Variants in INTS4 observed in about 807,000 individuals in gnomAD.
INTS4 encodes the protein MSTP093.
In INTS4, 70 loss-of-function variants were observed where a neutral mutation model predicts 119.5. That is an observed-to-expected ratio of 0.59 (90% CI 0.48 to 0.71). The LOEUF (loss-of-function observed/expected upper bound fraction) is 0.71, where lower values mean the gene tolerates loss of function less well. Ranked by LOEUF, INTS4 falls within the 30% of genes least tolerant of loss-of-function variation. INTS4 has a pLI of 0.00. For missense variants in INTS4, 867 were observed against 1,173.2 expected (o/e 0.74, Z 3.81); for synonymous variants, 316 against 419.6 (o/e 0.75, Z 3.02).
downstream of INTS4, among the ~76,000 whole-genome samples, chr11:77,877,623 A>G (rs1193393958): frequency 2.0e-5 from 3 of 152,230 alleles, no homozygotes; most frequent in East Asian, 5.8e-4. Context: ...TACAGGCTTT[A>G]TTACTTACTG....
rs1302374703 is a variant in INTS4, at chr11:77,958,951, G to T, written c.709-117C>A. On this transcript the variant is annotated intron_variant, in intron 6 of 22. Coordinates refer to ENST00000534064, the MANE Select transcript of INTS4 (RefSeq NM_033547.4). ...AGGATGCCCAGTAAAACACTTGTGT[G>T]TGGTTTTAACTTCTGGAATCTTTGC... The T allele has an allele frequency of 3.8e-5, 26 of 685,686 alleles. No homozygotes were observed. In the East Asian group the frequency reaches 6.3e-4, roughly 17 times the overall value. 42.5% of individuals were successfully genotyped at this position (685,686 alleles called of 1,614,324 possible).
At chr11:77,930,802 A>G (rs1258366859) in intron 10 of INTS4, among the ~76,000 whole-genome samples, 1 of 137,492 alleles carries the variant, frequency 7.3e-6, no homozygotes, top group East Asian at 2.1e-4. Flanking sequence ...CAACACAGTG[A>G]GACCCCATCT....
chr11:77,952,316 A>G (rs1954216083), intron 8 of INTS4, among the ~76,000 whole-genome samples: 1 of 152,216 alleles, frequency 6.6e-6, no homozygotes, highest in African/African-American at 2.4e-5. Context: ...TGAAGTCCTC[A>G]TCTGTCATTT....
chr11:77,982,452 G>C (rs1856283347), intron 2 of INTS4, among the ~76,000 whole-genome samples: 1 of 152,030 alleles, frequency 6.6e-6, no homozygotes, highest in Non-Finnish European at 1.5e-5. Context: ...CTGCTTTTTT[G>C]AATCACCAGA....
Position 77,984,247 on chromosome 11 carries a change from C to T in INTS4, c.247-2671G>A, listed in dbSNP as rs571564178. Among the ~76,000 whole-genome samples the T allele has an allele frequency of 1.1e-4, 16 of 152,260 alleles. No homozygotes were observed. The South Asian group carries it at 2.1e-3, about 20-fold the overall frequency. On this transcript the variant is annotated intron_variant, in intron 2 of 22. Coordinates refer to ENST00000534064, the MANE Select transcript of INTS4 (RefSeq NM_033547.4). Reference sequence around the variant, plus strand: ...GTGGCTCACATCTGTAATCCCAACACCTTGGGAGGCCAAGGCAGGCAGATC... The same window carrying T: ...GTGGCTCACATCTGTAATCCCAACATCTTGGGAGGCCAAGGCAGGCAGATC...
intron 17 of INTS4, among the ~76,000 whole-genome samples, chr11:77,902,056 C>T (rs970164358): frequency 2.0e-5 from 3 of 152,186 alleles, no homozygotes; most frequent in African/African-American, 7.2e-5. Flanking sequence ...GATCAAGTCC[C>T]CGATCTTGCT....
chr11:77,910,846 G>A, intron 15 of INTS4: 1 of 372,528 alleles, frequency 2.7e-6, no homozygotes, highest in Non-Finnish European at 5.0e-6. Flanking sequence ...TCTTTTTTAG[G>A]GGAGGAATGT....
intron 8 of INTS4, among the ~76,000 whole-genome samples, chr11:77,954,706 G>A (rs1465318889): frequency 1.3e-5 from 2 of 152,088 alleles, no homozygotes; most frequent in South Asian, 2.1e-4. Flanking sequence ...TCACAATAGG[G>A]TTCACACTCC....
downstream of INTS4, among the ~76,000 whole-genome samples, chr11:77,876,364 T>G (rs577361530): frequency 6.6e-6 from 1 of 151,866 alleles, no homozygotes; most frequent in Non-Finnish European, 1.5e-5. Context: ...CACACTGGAG[T>G]GCTCTTTATG....
rs998112952 is a variant in INTS4, at chr11:77,879,221, T to C, written c.2714-94A>G. ...TAAAGAAATATCAAAATGGAAGCAG[T>C]AGGGAGAAATTTCTTCATCCGTCTA... On this transcript the variant is annotated intron_variant, in intron 22 of 22. Transcript: ENST00000534064. 4 of 1,368,904 alleles carry C rather than the reference T, an allele frequency of 2.9e-6. No individual in the cohort carries two copies. The Admixed American group carries it at 6.3e-5, about 22-fold the overall frequency. 84.8% of individuals were successfully genotyped at this position (1,368,904 alleles called of 1,614,324 possible).
chr11:77,951,895 C>CA (rs975971399), intron 8 of INTS4, among the ~76,000 whole-genome samples: 1 of 152,118 alleles, frequency 6.6e-6, no homozygotes, highest in Non-Finnish European at 1.5e-5. Context: ...TTTATGCAGC[C>CA]AAAAGACACA....
At chr11:77,967,978 C>CCTA (rs1414000034) in intron 4 of INTS4, among the ~76,000 whole-genome samples, 4 of 152,124 alleles carry the variant, frequency 2.6e-5, no homozygotes, top group Non-Finnish European at 5.9e-5. Flanking sequence ...GATTGTAAAG[C>CCTA]CTACTACACC....
Position 77,927,691 on chromosome 11 carries a change from C to T in INTS4, c.1371+651G>A, listed in dbSNP as rs1953541884. 3.9e-5 allele frequency among the ~76,000 whole-genome samples: 6 copies of T among 151,904 alleles called. No homozygotes were observed. In the South Asian group the frequency reaches 1.2e-3, roughly 32 times the overall value. ...ATTCCCAGGGTAGAATGAATCAATC[C>T]CTAAGATCACTTGCTGCTATAACAG... On this transcript the variant is annotated intron_variant, in intron 11 of 22. Coordinates refer to ENST00000534064, the MANE Select transcript of INTS4 (RefSeq NM_033547.4).
At chr11:77,972,260 G>A (rs1855761750) in intron 4 of INTS4, among the ~76,000 whole-genome samples, 1 of 151,936 alleles carries the variant, frequency 6.6e-6, no homozygotes, top group Non-Finnish European at 1.5e-5. Flanking sequence ...CACCATTCGT[G>A]GCTAGTTTTT....
At chr11:77,903,142 C>G (rs1460919899) in intron 17 of INTS4, among the ~76,000 whole-genome samples, 2 of 152,220 alleles carry the variant, frequency 1.3e-5, no homozygotes, top group Non-Finnish European at 2.9e-5. Flanking sequence ...CTCAGCAAAT[C>G]AGAGGAAGAC....
intron 4 of INTS4, among the ~76,000 whole-genome samples, chr11:77,964,790 T>C (rs144454786): frequency 8.6e-5 from 13 of 151,826 alleles, no homozygotes; most frequent in African/African-American, 3.1e-4. Flanking sequence ...AAGCTCTCTT[T>C]ATGGTAATAA....
In INTS4 at chr11:77,973,937, C is replaced by T. The variant is rs553998987; in HGVS notation, c.471+5059G>A. Among the ~76,000 whole-genome samples the T allele has an allele frequency of 1.9e-4, 29 of 152,272 alleles. No individual in the cohort carries two copies. In the South Asian group the frequency reaches 6.0e-3, roughly 32 times the overall value. On this transcript the variant is annotated intron_variant, in intron 4 of 22. Transcript: ENST00000534064. The stretch of plus-strand genomic sequence containing the variant: ...GATGTCTTTTGTCTGTTTCTGGTAA[C>T]TCATAGAATGAGTTTGGAAGTGTTC...
intron 22 of INTS4, among the ~76,000 whole-genome samples, chr11:77,882,641 G>A (rs752414128): frequency 6.6e-6 from 1 of 152,184 alleles, no homozygotes; most frequent in Non-Finnish European, 1.5e-5. Context: ...AGGGAAGCAC[G>A]TCCTGGGTAG....
chr11:77,910,481 T>C (rs942624158), intron 15 of INTS4, among the ~76,000 whole-genome samples: 1 of 149,568 alleles, frequency 6.7e-6, no homozygotes, highest in Admixed American at 6.7e-5. Context: ...TTAGGAGATA[T>C]ACCTAATGCT....
Sources: allele counts gnomAD v4.1 joint callset (sites outside exome capture counted in the v4.1 genomes callset), GRCh38; gene constraint gnomAD v4.1.1; transcripts MANE v1.5; gene names NCBI Gene and HGNC (gene_info 2026-07-23, HGNC 2026-07-21).